Variants in MSN observed in about 807,000 individuals in gnomAD.
MSN encodes moesin, also known as epididymis luminal protein 70.
In MSN, 2 loss-of-function variants were observed where a neutral mutation model predicts 48.0. The observed-to-expected ratio is 0.04, with a 90% CI of 0.02 to 0.13. MSN has a LOEUF of 0.13. MSN is among the 10% of genes least tolerant of loss of function. MSN has a pLI of 1.00. For missense variants in MSN, 267 were observed against 470.1 expected, an observed-to-expected ratio of 0.57 and a Z score of 3.99; for synonymous variants, 146 against 166.9, an observed-to-expected ratio of 0.87 and a Z score of 0.97.
intron 1 of MSN, among the ~76,000 whole-genome samples, chrX:65,673,716 T>C (rs1490061205): frequency 8.9e-6 from 1 of 112,042 alleles, no homozygotes; most frequent in East Asian, 2.8e-4. Flanking sequence ...TTGTTCTGGA[T>C]GGGCAGGGTT....
At chrX:65,686,120 A>C (rs1339731209) in intron 1 of MSN, among the ~76,000 whole-genome samples, 1 of 112,835 alleles carries the variant, frequency 8.9e-6, no homozygotes, top group Non-Finnish European at 1.9e-5. Flanking sequence ...GAAGATAGTG[A>C]TTTGTGAAAT....
At chrX:65,588,591 G>A (rs941364922) in exon 1 of MSN, 7 of 799,764 alleles carry the variant, frequency 8.8e-6, no homozygotes, top group African/African-American at 2.2e-5. Flanking sequence ...GCCAGTGTTC[G>A]TGGACCATGC....
chrX:65,696,893 C>A (rs1419078441), intron 1 of MSN, among the ~76,000 whole-genome samples: 1 of 110,630 alleles, frequency 9.0e-6, no homozygotes, highest in Non-Finnish European at 1.9e-5. Flanking sequence ...CTTATCCTTG[C>A]CACCAAGAGA....
chrX:65,615,676 G>A (rs1391584830), intron 1 of MSN, among the ~76,000 whole-genome samples: 1 of 105,925 alleles, frequency 9.4e-6, no homozygotes, highest in Admixed American at 1.0e-4. Flanking sequence ...TCTGATGGTA[G>A]TTTCTTTTGC....
intron 2 of MSN, among the ~76,000 whole-genome samples, chrX:65,723,887 G>A (rs2071540532): frequency 9.0e-6 from 1 of 111,105 alleles, no homozygotes. Context: ...TGAGACTTCA[G>A]TGCAGGCTGA....
At chrX:65,666,307 T>C (rs1432496496), upstream of MSN, among the ~76,000 whole-genome samples, 1 of 109,413 alleles carries the variant, frequency 9.1e-6, no homozygotes, top group Non-Finnish European at 1.9e-5. Context: ...TGTAAGCCAC[T>C]GCACATGGTC....
intron 7 of MSN, among the ~76,000 whole-genome samples, chrX:65,734,214 C>T (rs962263816): frequency 2.7e-5 from 3 of 111,551 alleles, no homozygotes; most frequent in African/African-American, 9.8e-5. Context: ...GCTGAGTGTC[C>T]CCTTTTCTGG....
chrX:65,712,305 T>C (rs1347860452), intron 1 of MSN, among the ~76,000 whole-genome samples: 1 of 111,467 alleles, frequency 9.0e-6, no homozygotes, highest in East Asian at 2.8e-4. Context: ...GCGAGATTTA[T>C]TTACAAAGTT....
At chrX:65,625,645 T>C (rs2070497691) in intron 1 of MSN, 1 of 111,989 alleles carries the variant, frequency 8.9e-6, no homozygotes, top group Non-Finnish European at 1.9e-5. Flanking sequence ...TTCAACCTAT[T>C]TGTGTCTTTG....
rs2070183128 is a variant in MSN, at chrX:65,595,903, C to T, written c.-22+7291C>T. ...GCCAGTTCAGAACTTTTGAAACACA[C>T]GGCCAAGCATCTAACCCAAATGCCT... On this transcript the variant is annotated intron_variant, in intron 1 of 3. Coordinates refer to the MSN transcript ENST00000609672. 3.6e-5 allele frequency among the ~76,000 whole-genome samples: 4 copies of T among 111,719 alleles called. No homozygotes were observed. The South Asian group carries it at 1.1e-3, about 31-fold the overall frequency.
chrX:65,625,125 G>A (rs1220394175), intron 1 of MSN: 1 of 112,516 alleles, frequency 8.9e-6, no homozygotes, highest in Non-Finnish European at 1.9e-5. Flanking sequence ...ACTGCATGTG[G>A]TCGAGGAAGA....
chrX:65,657,931 A>G (rs1331868121), intron 1 of MSN, among the ~76,000 whole-genome samples: 1 of 112,100 alleles, frequency 8.9e-6, no homozygotes, highest in African/African-American at 3.2e-5. Context: ...GACAAGTCAC[A>G]TCACTTCTCA....
intron 1 of MSN, among the ~76,000 whole-genome samples, chrX:65,594,320 A>C (rs1602703282): frequency 9.0e-6 from 1 of 111,071 alleles, no homozygotes; most frequent in East Asian, 2.8e-4. Context: ...TTGTCAACTC[A>C]TTAGCATCAG....
At chrX:65,664,939 G>A (rs748314047), upstream of MSN, among the ~76,000 whole-genome samples, 6 of 109,557 alleles carry the variant, frequency 5.5e-5, no homozygotes, top group Non-Finnish European at 1.1e-4. Flanking sequence ...TAGTAGAGAT[G>A]GGGTTTTCCC....
At chrX:65,680,808 G>T (rs1175806065) in intron 1 of MSN, among the ~76,000 whole-genome samples, 2 of 111,265 alleles carry the variant, frequency 1.8e-5, no homozygotes, top group Non-Finnish European at 3.8e-5. Flanking sequence ...GAGTGCAGTG[G>T]TCCAATCTTG....
chrX:65,689,846 C>G (rs1270255301), intron 1 of MSN, among the ~76,000 whole-genome samples: 2 of 111,972 alleles, frequency 1.8e-5, no homozygotes, highest in Non-Finnish European at 3.8e-5. Flanking sequence ...TTTGCTAGTT[C>G]CAATACATTT....
chrX:65,635,091 A>G (rs750816865), intron 1 of MSN, among the ~76,000 whole-genome samples: 2 of 109,887 alleles, frequency 1.8e-5, no homozygotes, highest in Non-Finnish European at 3.8e-5. Flanking sequence ...ACTTTTTCCC[A>G]TATCTCTTTT....
intron 1 of MSN, among the ~76,000 whole-genome samples, chrX:65,680,418 C>T (rs1569461530): frequency 8.9e-6 from 1 of 112,146 alleles, no homozygotes; most frequent in African/African-American, 3.2e-5. Flanking sequence ...AATGAACATT[C>T]TAATGGCCAT....
intron 3 of MSN, 75 bp downstream of exon 3, chrX:65,727,984 A>G (rs984132773): frequency 2.1e-6 from 2 of 954,745 alleles, no homozygotes; most frequent in Non-Finnish European, 1.5e-6. Context: ...ACCATGTGCT[A>G]GTTGGCAAAT....
Sources: gnomAD v4.1 joint callset for allele counts (sites outside exome capture counted in the v4.1 genomes callset) on GRCh38, gnomAD v4.1.1 for gene constraint, MANE v1.5 for transcripts, NCBI Gene and HGNC (gene_info 2026-07-23, HGNC 2026-07-21) for gene names.